IGF1R: variants seen among roughly 807,000 people sequenced by gnomAD.
IGF1R encodes the protein insulin like growth factor 1 receptor.
In IGF1R, 44 loss-of-function variants were observed where a neutral mutation model predicts 144.6. That is an observed-to-expected ratio of 0.30 (90% confidence interval 0.24 to 0.39). The LOEUF is 0.39. IGF1R is among the 10% of genes least tolerant of loss of function. The pLI, the probability that IGF1R is intolerant of heterozygous loss-of-function variation, is 1.00. For synonymous variants in IGF1R, 795 were observed against 722.8 expected (o/e 1.10, Z -1.60); for missense variants, 1,355 against 1,833.7 (o/e 0.74, Z 4.77).
intron 20 of IGF1R, among the ~76,000 whole-genome samples, chr15:98,955,789 G>C (rs896895388): frequency 2.0e-5 from 3 of 152,268 alleles, no homozygotes; most frequent in South Asian, 2.1e-4. Context: ...CAGGTAGTCT[G>C]TGGTCAAGCA....
intron 2 of IGF1R, among the ~76,000 whole-genome samples, chr15:98,763,448 T>C (rs146552036): frequency 5.6e-4 from 85 of 151,620 alleles, no homozygotes; most frequent in African/African-American, 1.9e-3. Context: ...CTGACGTGGC[T>C]GGGACTCCTG....
At chr15:98,784,100 AAGTAGCTGG>A (rs2055929263) in intron 2 of IGF1R, among the ~76,000 whole-genome samples, 1 of 148,742 alleles carries the variant, frequency 6.7e-6, no homozygotes, top group Non-Finnish European at 1.5e-5. Flanking sequence ...TCAGCCTCCC[AAGTAGCTGG>A]GATTGCAGGC....
chr15:98,739,585 T>G (rs2054690625), intron 2 of IGF1R, among the ~76,000 whole-genome samples: 1 of 149,618 alleles, frequency 6.7e-6, no homozygotes, highest in South Asian at 2.2e-4. Flanking sequence ...GAAAATAGCC[T>G]GTGAAAAATG....
At chr15:98,845,070 T>C (rs993386444) in intron 2 of IGF1R, among the ~76,000 whole-genome samples, 1 of 152,304 alleles carries the variant, frequency 6.6e-6, no homozygotes, top group African/African-American at 2.4e-5. Flanking sequence ...TTGTTAGCCG[T>C]GGAACGACCT....
In IGF1R at chr15:98,939,260, T is replaced by A. The variant is rs761617188; in HGVS notation, c.3357T>A (p.Ile1119=). 1.2e-5 allele frequency: 19 copies of A among 1,613,878 alleles called. No homozygotes were observed. The highest frequency in any genetic ancestry group is 1.4e-5 in the Non-Finnish European group (16 of 1,179,854). Residue 1119 remains isoleucine, a synonymous_variant, in exon 18 of 21, where the codon ATT becomes ATA. Transcript: ENST00000650285. ...LSKMIQMAGE[I]ADGMAYLNAN... ...AGATGATTCAGATGGCCGGAGAGAT[T>A]GCAGACGGCATGGCATACCTCAACG...
At chr15:98,661,607 C>T (rs1029728427) in intron 1 of IGF1R, among the ~76,000 whole-genome samples, 10 of 152,144 alleles carry the variant, frequency 6.6e-5, no homozygotes, top group African/African-American at 9.7e-5. Context: ...TGCTCTTCTC[C>T]GTGCGGTTTG....
At chr15:98,729,054 C>G (rs1423488562) in intron 2 of IGF1R, among the ~76,000 whole-genome samples, 1 of 152,190 alleles carries the variant, frequency 6.6e-6, no homozygotes, top group African/African-American at 2.4e-5. Context: ...TTAGCTGATA[C>G]TATCATAATT....
At position 98,963,239 on chromosome 15, in the gene IGF1R, C is replaced by CTGTT. The variant is rs2017298034; in HGVS notation, c.*5799_*5802dup. On this transcript the variant is annotated 3_prime_UTR_variant, in exon 21 of 21. Transcript: ENST00000650285. ...TTTTTTTTTTTTTTTTTTAGGACAC[C>CTGTT]TGTTTACTAGCTAGCTTTACAATAT... The CTGTT allele has an allele frequency of 4.2e-5, 9 of 216,562 alleles. No individual in the cohort carries two copies. The highest frequency in any genetic ancestry group is 7.0e-5 in the Non-Finnish European group (8 of 113,954). 13.4% of individuals were successfully genotyped at this position (216,562 alleles called of 1,614,324 possible). A position where few individuals can be genotyped will look rare whatever the true frequency, so the allele number is the denominator to read the frequency against.
At chr15:98,868,327 C>CAAAA (rs55905905) in intron 2 of IGF1R, among the ~76,000 whole-genome samples, 1,206 of 49,838 alleles carry the variant, frequency 0.024, 82 homozygotes, top group African/African-American at 0.082. Context: ...ACCTTGTCTC[C>CAAAA]AAAAAAAAAA....
intron 2 of IGF1R, among the ~76,000 whole-genome samples, chr15:98,765,324 T>C (rs1254610543): frequency 5.0e-5 from 7 of 139,058 alleles, no homozygotes; most frequent in African/African-American, 8.3e-5. Context: ...TTTTTTTTTT[T>C]TTTTTTTTTT....
rs777348345 is a variant in IGF1R, at chr15:98,908,706, C to T, written c.1269C>T (p.Leu423=). 24 of 1,613,916 alleles carry T rather than the reference C, an allele frequency of 1.5e-5. No homozygotes were observed. Among genetic ancestry groups the T allele is most frequent in the African/African-American group, 1.3e-4 (10 of 74,910 alleles). The change falls in exon 6 of 21, where the codon CTC becomes CTT. Residue 423 remains leucine, a synonymous_variant. Coordinates refer to ENST00000650285, the MANE Select transcript of IGF1R (RefSeq NM_000875.5). ...QLEGNYSFYV[L]DNQNLQQLWD... is the part of the protein sequence containing the mutation. ...CTAGGAATTACTCCTTCTACGTCCT[C>T]GACAACCAGAACTTGCAGCAACTGT...
At chr15:98,667,382 GGGGGA>G in intron 1 of IGF1R, among the ~76,000 whole-genome samples, 1 of 152,118 alleles carries the variant, frequency 6.6e-6, no homozygotes, top group Non-Finnish European at 1.5e-5. Flanking sequence ...CATTACAGAG[GGGGGA>G]GCCCTTGAAA....
At chr15:98,654,141 C>T (rs966723970) in intron 1 of IGF1R, among the ~76,000 whole-genome samples, 2 of 152,174 alleles carry the variant, frequency 1.3e-5, no homozygotes, top group Admixed American at 1.3e-4. Flanking sequence ...ACTTAGGACT[C>T]TAGTGTTGTT....
chr15:98,842,450 G>C (rs185022945), intron 2 of IGF1R, among the ~76,000 whole-genome samples: 1 of 152,152 alleles, frequency 6.6e-6, no homozygotes, highest in Non-Finnish European at 1.5e-5. Context: ...ACAGGGAAAG[G>C]CTTTGTTTAC....
chr15:98,912,813 A>T (rs1386830827), intron 7 of IGF1R, among the ~76,000 whole-genome samples: 1 of 152,246 alleles, frequency 6.6e-6, no homozygotes, highest in African/African-American at 2.4e-5. Context: ...ATTGAATCCC[A>T]GTAACTGTTG....
At chr15:98,689,716 T>A (rs950495707) in intron 1 of IGF1R, among the ~76,000 whole-genome samples, 1 of 152,144 alleles carries the variant, frequency 6.6e-6, no homozygotes, top group African/African-American at 2.4e-5. Flanking sequence ...CACAGATGGA[T>A]GTGAGTTGCC....
chr15:98,832,686 T>A (rs1019177721), intron 2 of IGF1R, among the ~76,000 whole-genome samples: 3 of 152,212 alleles, frequency 2.0e-5, no homozygotes, highest in Non-Finnish European at 4.4e-5. Flanking sequence ...AGCTCTAGGC[T>A]CCTTTCTTTT....
At chr15:98,821,059 G>A (rs1415088146) in intron 2 of IGF1R, 1 of 152,126 alleles carries the variant, frequency 6.6e-6, no homozygotes, top group Non-Finnish European at 1.5e-5. Flanking sequence ...GAATCCACTT[G>A]GCAGCACTGA....
intron 2 of IGF1R, among the ~76,000 whole-genome samples, chr15:98,838,001 T>A (rs1260550517): frequency 6.6e-6 from 1 of 152,220 alleles, no homozygotes; most frequent in Admixed American, 6.5e-5. Context: ...CATTTGAGAA[T>A]TTACAAAATC....
Sources: gnomAD v4.1 joint callset for allele counts (sites outside exome capture counted in the v4.1 genomes callset) on GRCh38, gnomAD v4.1.1 for gene constraint, MANE v1.5 for transcripts, NCBI Gene and HGNC (gene_info 2026-07-23, HGNC 2026-07-21) for gene names.